The following RAD54L2 variants were observed in gnomAD, a reference collection of about 807,000 sequenced individuals.
RAD54L2 encodes RAD54 like 2, also known as helicase ARIP4.
RAD54L2 carries 27 observed loss-of-function variants against 138.4 expected under a neutral mutation model. That is an observed-to-expected ratio of 0.20 (90% CI 0.14 to 0.27). The LOEUF is 0.27. Among genes scored for constraint, RAD54L2 ranks in the 10% least tolerant of loss-of-function variants. The pLI is 1.00. For missense variants in RAD54L2, 1,396 were observed against 1,890.2 expected (o/e 0.74, Z 4.85); for synonymous variants, 644 against 723.2 (o/e 0.89, Z 1.76).
rs148921801 is a variant in RAD54L2 at position 51,575,567 on chromosome 3, C to T, written c.-54-14800C>T. Among the ~76,000 whole-genome samples the T allele has an allele frequency of 4.6e-3, 693 of 152,150 alleles. 4 individuals carry two copies. Among genetic ancestry groups the T allele is most frequent in the African/African-American group, 0.014 (578 of 41,518 alleles). On this transcript the variant is annotated intron_variant, in intron 2 of 22. Transcript: ENST00000684192. ...TCTCCTTGAAGAGGTCCTTCACATCCCTTGTAAGTTGGATTCCTAGGTATT... is the reference window on the plus strand; with the variant it reads ...TCTCCTTGAAGAGGTCCTTCACATCTCTTGTAAGTTGGATTCCTAGGTATT...
intron 2 of RAD54L2, among the ~76,000 whole-genome samples, chr3:51,544,288 TC>T (rs1553671848): frequency 1.3e-5 from 2 of 152,240 alleles, no homozygotes; most frequent in African/African-American, 4.8e-5. Context: ...CTGCCTCTGA[TC>T]CTGGCTGAAG....
chr3:51,638,332 G>T lies in RAD54L2; in HGVS notation c.1860+11G>T. ...TGTGTGTGTTGCAAGGTGCATTGGG[G>T]CCTCAGGGAAGATTGAGATGGGGAC... is the stretch of plus-strand genomic sequence containing the variant. On this transcript the variant is annotated intron_variant, in intron 12 of 22. Transcript: ENST00000684192. The surrounding 1 kb of genome is among the most constrained non-coding windows in gnomAD (Gnocchi z 4.3). 2 of 1,613,098 alleles carry T rather than the reference G, an allele frequency of 1.2e-6. No homozygotes were observed. The highest frequency in any genetic ancestry group is 1.7e-6 in the Non-Finnish European group (2 of 1,179,502).
intron 3 of RAD54L2, among the ~76,000 whole-genome samples, chr3:51,607,501 A>C (rs948999152): frequency 6.6e-6 from 1 of 152,188 alleles, no homozygotes; most frequent in Non-Finnish European, 1.5e-5. Flanking sequence ...TCCTATGTCT[A>C]CTTCTTTCTA....
intron 2 of RAD54L2, among the ~76,000 whole-genome samples, chr3:51,549,273 C>T (rs932258980): frequency 5.9e-5 from 9 of 151,794 alleles, no homozygotes; most frequent in Admixed American, 3.9e-4. Flanking sequence ...GGATTACAGG[C>T]GTGAACCACC....
intron 19 of RAD54L2, among the ~76,000 whole-genome samples, chr3:51,651,716 G>A (rs965060487): frequency 3.9e-5 from 6 of 152,242 alleles, no homozygotes; most frequent in Middle Eastern, 6.8e-3. Flanking sequence ...TGCAGAAAAG[G>A]CATTCGACAA....
intron 3 of RAD54L2, among the ~76,000 whole-genome samples, chr3:51,617,889 A>G (rs1304064506): frequency 6.6e-6 from 1 of 152,202 alleles, no homozygotes; most frequent in Non-Finnish European, 1.5e-5. Context: ...TCTCTAAAAT[A>G]TAAATACACA....
intron 3 of RAD54L2, among the ~76,000 whole-genome samples, chr3:51,612,010 A>G (rs1400381862): frequency 1.3e-5 from 2 of 152,086 alleles, no homozygotes; most frequent in Non-Finnish European, 2.9e-5. Context: ...ATTCTGGGAG[A>G]TGGAAGGAAT....
At chr3:51,650,370 A>G (rs922656656) in intron 19 of RAD54L2, among the ~76,000 whole-genome samples, 2 of 152,226 alleles carry the variant, frequency 1.3e-5, no homozygotes, top group African/African-American at 4.8e-5. Context: ...AAGATTAGAC[A>G]GATCAACGAG....
intron 3 of RAD54L2, among the ~76,000 whole-genome samples, 187 bp downstream of exon 3, chr3:51,590,746 T>A (rs1193838436): frequency 1.3e-5 from 2 of 152,198 alleles, no homozygotes; most frequent in African/African-American, 4.8e-5. Flanking sequence ...TTCCTCCACA[T>A]AAGCTTTGTT....
chr3:51,648,573 G>T (rs143354904), intron 19 of RAD54L2, among the ~76,000 whole-genome samples: 2 of 152,132 alleles, frequency 1.3e-5, no homozygotes, highest in African/African-American at 2.4e-5. Flanking sequence ...TCATACAGCC[G>T]GGTGCCCCTC....
intron 3 of RAD54L2, among the ~76,000 whole-genome samples, chr3:51,623,926 G>A (rs1173609859): frequency 1.4e-5 from 2 of 145,430 alleles, no homozygotes; most frequent in Admixed American, 1.4e-4. Context: ...ACAGTGATCC[G>A]AGATTGCGCC....
At chr3:51,612,758 T>A (rs568577409) in intron 3 of RAD54L2, among the ~76,000 whole-genome samples, 1 of 151,814 alleles carries the variant, frequency 6.6e-6, no homozygotes, top group African/African-American at 2.4e-5. Flanking sequence ...CATTGTTTCA[T>A]AGTCATTTAT....
At chr3:51,602,118 C>T (rs1018045533) in intron 3 of RAD54L2, among the ~76,000 whole-genome samples, 5 of 152,194 alleles carry the variant, frequency 3.3e-5, no homozygotes, top group Non-Finnish European at 7.3e-5. Context: ...AGACGTGAGC[C>T]ACCACACCCA....
chr3:51,598,775 G>A (rs547919623), intron 3 of RAD54L2, among the ~76,000 whole-genome samples: 41 of 152,106 alleles, frequency 2.7e-4, no homozygotes, highest in African/African-American at 8.7e-4. Context: ...AAAAACCCTA[G>A]AGGACTGAGT....
At chr3:51,655,890 C>A in intron 19 of RAD54L2, 81 bp from the exon 20 acceptor site, 1 of 1,269,678 alleles carries the variant, frequency 7.9e-7, no homozygotes, top group Non-Finnish European at 1.1e-6. Flanking sequence ...AATGGGGCAG[C>A]CTAGAAAGGC....
chr3:51,542,782 G>A (rs1194540370), intron 2 of RAD54L2, among the ~76,000 whole-genome samples: 2 of 152,098 alleles, frequency 1.3e-5, no homozygotes, highest in Non-Finnish European at 2.9e-5. Context: ...TTTATTCAGT[G>A]CCGGTAGGCA....
rs768354274 is a variant in RAD54L2 at position 51,626,436 on chromosome 3, C to CTTT, written c.140-1093_140-1091dup. 8.6e-4 allele frequency among the ~76,000 whole-genome samples: 34 copies of CTTT among 39,390 alleles called. 9 individuals are homozygous for CTTT. Among genetic ancestry groups the CTTT allele is most frequent in the African/African-American group, 3.6e-3 (32 of 8,968 alleles). 25.8% of individuals were successfully genotyped at this position (39,390 alleles called of 152,430 possible). A position where few individuals can be genotyped will look rare whatever the true frequency, so the allele number is the denominator to read the frequency against. ...TGACATCCCCTGGACCCCCAACGAT[C>CTTT]TTTTTTTTTTTTTTTTTTTTTTTTT... On this transcript the variant is annotated intron_variant, in intron 3 of 22. Coordinates refer to ENST00000684192, the MANE Select transcript of RAD54L2 (RefSeq NM_015106.4).
At chr3:51,575,441 G>C (rs949846773) in intron 2 of RAD54L2, among the ~76,000 whole-genome samples, 2 of 152,134 alleles carry the variant, frequency 1.3e-5, no homozygotes, top group Non-Finnish European at 2.9e-5. Context: ...ACCATGGGCA[G>C]TATGGCCATT....
At chr3:51,608,923 C>T (rs1445264305) in intron 3 of RAD54L2, among the ~76,000 whole-genome samples, 1 of 152,086 alleles carries the variant, frequency 6.6e-6, no homozygotes, top group African/African-American at 2.4e-5. Context: ...GGTAGTCTAG[C>T]TTTGTTGCAC....
Sources: gnomAD v4.1 joint callset for allele counts (sites outside exome capture counted in the v4.1 genomes callset) on GRCh38, gnomAD v4.1.1 for gene constraint, Gnocchi (gnomAD v3.1) non-coding constraint, MANE v1.5 for transcripts, NCBI Gene and HGNC (gene_info 2026-07-23, HGNC 2026-07-21) for gene names.